Variants in ATP11C observed in about 807,000 individuals in gnomAD.
ATP11C encodes phospholipid-transporting ATPase IG.
In ATP11C, 36 loss-of-function variants were observed where a neutral mutation model predicts 97.4. That is an observed-to-expected ratio of 0.37 (90% confidence interval 0.28 to 0.49). The LOEUF (loss-of-function observed/expected upper bound fraction) is 0.49, where lower values mean the gene tolerates loss of function less well. Ranked by LOEUF, ATP11C falls within the 20% of genes least tolerant of loss-of-function variation. The probability of loss-of-function intolerance (pLI) is 0.98; values close to 1 mark genes in which losing one functional copy is unlikely to be tolerated. For missense variants in ATP11C, 730 were observed against 824.6 expected (o/e 0.89, Z 1.40); for synonymous variants, 275 against 290.9 (o/e 0.95, Z 0.56).
rs145109439 is a variant in ATP11C, at chrX:139,911,943, C to T, written c.27+20073G>A. ...TAATAATCTCAGCACTTTGGGAGGC[C>T]GAGGGAGGGCGGATCACTTGAGGCC... is the stretch of plus-strand genomic sequence containing the variant. On this transcript the variant is annotated intron_variant, in intron 1 of 29. Transcript: ENST00000682941. Among the ~76,000 whole-genome samples the T allele has an allele frequency of 2.0e-3, 220 of 109,435 alleles. 2 individuals carry two copies. Among genetic ancestry groups the T allele is most frequent in the Non-Finnish European group, 2.2e-3 (118 of 52,711 alleles).
intron 4 of ATP11C, 128 bp from the exon 5 acceptor site, chrX:139,815,113 C>T (rs2083258715): frequency 5.3e-6 from 2 of 380,352 alleles, no homozygotes; most frequent in South Asian, 6.4e-5. Context: ...ACTCAGAATG[C>T]TAAAGAGACA....
intron 2 of ATP11C, among the ~76,000 whole-genome samples, chrX:139,819,635 C>T (rs111901873): frequency 2.0e-4 from 22 of 112,408 alleles, no homozygotes; most frequent in South Asian, 3.7e-4. Flanking sequence ...TTTCATTCTA[C>T]GCATTACAAT....
chrX:139,916,066 T>C (rs866679867), intron 1 of ATP11C, among the ~76,000 whole-genome samples: 4 of 110,004 alleles, frequency 3.6e-5, no homozygotes, highest in Admixed American at 9.8e-5. Context: ...CTGTCTCTAC[T>C]AAAAATACAA....
intron 19 of ATP11C, among the ~76,000 whole-genome samples, chrX:139,769,349 A>G (rs1449220045): frequency 3.4e-5 from 3 of 87,264 alleles, no homozygotes; most frequent in African/African-American, 1.2e-4. Flanking sequence ...ATCATTTTAC[A>G]TACTAGCTTA....
At chrX:139,770,332 C>T (rs1303329044) in intron 19 of ATP11C, among the ~76,000 whole-genome samples, 1 of 111,958 alleles carries the variant, frequency 8.9e-6, no homozygotes, top group Non-Finnish European at 1.9e-5. Flanking sequence ...ATAGTGGATT[C>T]TTTGTGAGGT....
intron 19 of ATP11C, among the ~76,000 whole-genome samples, chrX:139,772,581 C>A (rs1252789269): frequency 8.9e-6 from 1 of 111,825 alleles, no homozygotes; most frequent in African/African-American, 3.3e-5. Context: ...AGAGGCAGAG[C>A]TGCCCAAGAC....
intron 1 of ATP11C, among the ~76,000 whole-genome samples, chrX:139,868,943 A>T (rs1490793136): frequency 8.9e-6 from 1 of 111,865 alleles, no homozygotes; most frequent in Admixed American, 9.5e-5. Flanking sequence ...GATAGAATGG[A>T]TATTATCAAA....
chrX:139,769,943 A>G (rs901730191), intron 19 of ATP11C, among the ~76,000 whole-genome samples: 1 of 111,921 alleles, frequency 8.9e-6, no homozygotes, highest in African/African-American at 3.2e-5. Context: ...ATACCTCATC[A>G]TTCCTTTATT....
intron 1 of ATP11C, among the ~76,000 whole-genome samples, chrX:139,873,200 T>C (rs1328494196): frequency 1.8e-5 from 2 of 112,496 alleles, no homozygotes; most frequent in Non-Finnish European, 3.7e-5. Flanking sequence ...AGATTAATGG[T>C]ATACACTTAA....
chrX:139,807,346 T>A (rs975007513), intron 5 of ATP11C, among the ~76,000 whole-genome samples: 4 of 111,037 alleles, frequency 3.6e-5, no homozygotes, highest in African/African-American at 1.3e-4. Context: ...ACTTAAGGAA[T>A]TTGAAGTTAA....
intron 28 of ATP11C, among the ~76,000 whole-genome samples, chrX:139,734,089 A>G (rs754637440): frequency 9.0e-6 from 1 of 111,404 alleles, no homozygotes; most frequent in African/African-American, 3.3e-5. Flanking sequence ...CAATGGATAA[A>G]GGCCCATCTC....
intron 1 of ATP11C, chrX:139,885,488 A>G (rs757429950): frequency 8.9e-6 from 1 of 112,126 alleles, no homozygotes; most frequent in African/African-American, 3.2e-5. Flanking sequence ...CCTGTATTGT[A>G]TGCTAAGCAA....
At chrX:139,904,579 G>T (rs1336524367) in intron 1 of ATP11C, among the ~76,000 whole-genome samples, 1 of 111,466 alleles carries the variant, frequency 9.0e-6, no homozygotes, top group Non-Finnish European at 1.9e-5. Flanking sequence ...ACAGGTAGAG[G>T]GGGGCTAATA....
At chrX:139,787,405 C>A (rs1354549379) in intron 14 of ATP11C, among the ~76,000 whole-genome samples, 161 bp from the exon 15 acceptor site, 1 of 111,644 alleles carries the variant, frequency 9.0e-6, no homozygotes, top group Non-Finnish European at 1.9e-5. Context: ...TCAAGCGATT[C>A]TCCTGCCTCA....
intron 1 of ATP11C, chrX:139,924,357 T>C (rs1008315082): frequency 1.0e-5 from 3 of 289,696 alleles, no homozygotes; most frequent in African/African-American, 5.4e-5. Flanking sequence ...AAAGATGTGA[T>C]TGCTGGGAGT....
chrX:139,800,221 C>T, intron 7 of ATP11C, 111 bp from the exon 8 acceptor site: 1 of 551,039 alleles, frequency 1.8e-6, no homozygotes, highest in Non-Finnish European at 3.0e-6. Flanking sequence ...ATAGATAAAA[C>T]TGTGAATGAA....
At chrX:139,906,760 C>A (rs2084984982) in intron 1 of ATP11C, among the ~76,000 whole-genome samples, 2 of 104,877 alleles carry the variant, frequency 1.9e-5, no homozygotes, top group South Asian at 8.6e-4. Flanking sequence ...CCAGCCTGGG[C>A]AACAGAGTGA....
intron 5 of ATP11C, among the ~76,000 whole-genome samples, chrX:139,806,571 T>C (rs1224654189): frequency 9.0e-6 from 1 of 110,682 alleles, no homozygotes; most frequent in African/African-American, 3.3e-5. Context: ...AGAAAACAAC[T>C]AGATTTTTAA....
Position 139,798,671 on chromosome X carries a change from T to C in ATP11C, c.775+8A>G, listed in dbSNP as rs1485863651. The C allele has an allele frequency of 8.5e-7, 1 of 1,182,874 alleles. No individual in the cohort carries two copies. Among genetic ancestry groups the C allele is most frequent in the Admixed American group, 2.2e-5 (1 of 45,048 alleles). ...TTTTTTGATAGGTGTATCTTAAAAA[T>C]TGTTCACCATATATCTTCTCGGTAT... On this transcript the variant is annotated splice_region_variant and intron_variant, in intron 9 of 29. Transcript: ENST00000682941.
Sources: allele counts gnomAD v4.1 joint callset (sites outside exome capture counted in the v4.1 genomes callset), GRCh38; gene constraint gnomAD v4.1.1; transcripts MANE v1.5; gene names NCBI Gene and HGNC (gene_info 2026-07-23, HGNC 2026-07-21).